RNF157: variants seen among roughly 807,000 people sequenced by gnomAD.
RNF157 encodes ring finger protein 157.
A neutral mutation model predicts 88.3 loss-of-function variants in RNF157; 55 were observed. The ratio of observed to expected loss-of-function variants is 0.62; its 90% CI spans 0.50 to 0.78. The LOEUF (loss-of-function observed/expected upper bound fraction) is 0.78, where lower values mean the gene tolerates loss of function less well. Ranked by LOEUF, RNF157 falls within the 30% of genes least tolerant of loss-of-function variation. RNF157 has a pLI of 0.00. For missense variants in RNF157, 788 were observed against 860.8 expected (o/e 0.92, Z 1.06); for synonymous variants, 334 against 341.2 (o/e 0.98, Z 0.23).
At chr17:76,154,470 G>A (rs1450732972) in intron 16 of RNF157, 142 bp from the exon 17 acceptor site, 2 of 683,310 alleles carry the variant, frequency 2.9e-6, no homozygotes, top group Non-Finnish European at 5.3e-6. Context: ...TGTTTAATAT[G>A]CCTCAGAGGC....
At chr17:76,216,121 T>G (rs1426107869) in intron 1 of RNF157, among the ~76,000 whole-genome samples, 1 of 152,182 alleles carries the variant, frequency 6.6e-6, no homozygotes, top group East Asian at 1.9e-4. Context: ...GTTACACAGA[T>G]GGATGGCTTG....
chr17:76,182,566 T>TA (rs1339768323), intron 2 of RNF157, among the ~76,000 whole-genome samples: 2 of 151,092 alleles, frequency 1.3e-5, no homozygotes, highest in East Asian at 3.9e-4. Context: ...ATTTTTGCTG[T>TA]AAAAAAATAT....
chr17:76,207,400 G>C (rs1220581634), intron 2 of RNF157, among the ~76,000 whole-genome samples: 10 of 152,156 alleles, frequency 6.6e-5, no homozygotes, highest in Admixed American at 6.5e-4. Context: ...TCCAGCCTGG[G>C]TGACAGGGCA....
intron 2 of RNF157, among the ~76,000 whole-genome samples, chr17:76,186,194 TA>T (rs998937205): frequency 6.6e-6 from 1 of 151,226 alleles, no homozygotes; most frequent in African/African-American, 2.4e-5. Flanking sequence ...CATGTCCCAT[TA>T]AAAAACATCG....
chr17:76,212,949 C>T (rs531205162), intron 1 of RNF157, among the ~76,000 whole-genome samples: 1 of 152,300 alleles, frequency 6.6e-6, no homozygotes, highest in South Asian at 2.1e-4. Flanking sequence ...TGATTTGGGA[C>T]AATGGCACAA....
intron 18 of RNF157, among the ~76,000 whole-genome samples, chr17:76,148,588 G>A (rs2068623991): frequency 7.5e-6 from 1 of 133,352 alleles, no homozygotes; most frequent in Admixed American, 7.4e-5. Flanking sequence ...TTTTTAAGAT[G>A]GAGTCTCACT....
intron 1 of RNF157, among the ~76,000 whole-genome samples, chr17:76,233,463 T>A (rs750387858): frequency 6.6e-6 from 1 of 152,206 alleles, no homozygotes; most frequent in Admixed American, 6.6e-5. Context: ...CTTCGCCCAA[T>A]CCAAATCAAA....
At position 76,189,461 on chromosome 17, in the gene RNF157, C is replaced by T. The variant is rs549771010; in HGVS notation, c.208-15671G>A. Reference sequence around the variant, plus strand: ...ACTTTAGACAAGCTGCTTTGCCCTACTAAGCCTCCATTTCCTTATCAGTGA... The same window carrying T: ...ACTTTAGACAAGCTGCTTTGCCCTATTAAGCCTCCATTTCCTTATCAGTGA... On this transcript the variant is annotated intron_variant, in intron 2 of 18. Transcript: ENST00000269391. Among the ~76,000 whole-genome samples, 21 of 152,330 alleles carry T rather than the reference C, an allele frequency of 1.4e-4. No individual in the cohort carries two copies. The South Asian group carries it at 3.3e-3, about 24-fold the overall frequency.
intron 1 of RNF157, chr17:76,225,712 C>G (rs1272012299): frequency 2.1e-6 from 3 of 1,435,112 alleles, no homozygotes; most frequent in Non-Finnish European, 2.8e-6. Context: ...AGCAGACACT[C>G]TATGTACAAG....
intron 9 of RNF157, 161 bp from the exon 10 acceptor site, chr17:76,162,163 T>C: frequency 1.5e-6 from 1 of 684,196 alleles, no homozygotes; most frequent in East Asian, 2.7e-5. Flanking sequence ...TCCACACACT[T>C]AGCTTCACTT....
In RNF157 at chr17:76,167,800, A is replaced by C; in HGVS notation, c.297-3T>G. 1 of 1,612,158 alleles carries C rather than the reference A, an allele frequency of 6.2e-7. No homozygotes were observed. The highest frequency in any genetic ancestry group is 8.5e-7 in the Non-Finnish European group (1 of 1,179,320). On this transcript the variant is annotated splice_region_variant and splice_polypyrimidine_tract_variant and intron_variant, in intron 3 of 18. Coordinates refer to ENST00000269391, the MANE Select transcript of RNF157 (RefSeq NM_052916.3). ...GGCTCTTCACTTCCTCAGCACATCT[A>C]GAAAACCAGAGACTCAGCATTTGCA... is the stretch of plus-strand genomic sequence containing the variant.
chr17:76,170,705 TCA>T (rs1313711190), intron 3 of RNF157, among the ~76,000 whole-genome samples: 1 of 152,130 alleles, frequency 6.6e-6, no homozygotes, highest in African/African-American at 2.4e-5. Flanking sequence ...GGGGATAATA[TCA>T]CAGTATAAAT....
At chr17:76,152,294 C>CAGGG (rs1354395066) in intron 18 of RNF157, 61 bp downstream of exon 18, 1 of 1,073,988 alleles carries the variant, frequency 9.3e-7, no homozygotes, top group African/African-American at 1.5e-5. Context: ...AGGGTGAGAG[C>CAGGG]AGGGGTAAGA....
intron 2 of RNF157, among the ~76,000 whole-genome samples, chr17:76,199,894 A>C (rs2069543925): frequency 6.6e-6 from 1 of 152,320 alleles, no homozygotes; most frequent in Admixed American, 6.5e-5. Flanking sequence ...CATAAAAACA[A>C]GTTAAATTTC....
intron 2 of RNF157, among the ~76,000 whole-genome samples, chr17:76,196,062 C>T (rs2069472670): frequency 6.6e-6 from 1 of 152,172 alleles, no homozygotes; most frequent in Non-Finnish European, 1.5e-5. Context: ...GATTACAAAC[C>T]TGCTCTGAGC....
intron 18 of RNF157, among the ~76,000 whole-genome samples, chr17:76,147,988 C>T (rs1161784585): frequency 2.0e-5 from 3 of 152,190 alleles, no homozygotes; most frequent in African/African-American, 7.2e-5. Context: ...TACAAAGCCA[C>T]TTATTAAATA....
intron 13 of RNF157, chr17:76,156,637 G>T: frequency 1.9e-6 from 1 of 528,472 alleles, no homozygotes. Context: ...GACACCCCAG[G>T]TTTCCCCAGG....
intron 2 of RNF157, among the ~76,000 whole-genome samples, chr17:76,185,471 C>CTCTCTTT (rs1214764584): frequency 2.1e-5 from 3 of 144,456 alleles, no homozygotes; most frequent in Middle Eastern, 3.5e-3. Context: ...GAGATTAGTC[C>CTCTCTTT]TTTCTTTTTT....
intron 4 of RNF157, 94 bp downstream of exon 4, chr17:76,167,557 C>T: frequency 6.4e-7 from 1 of 1,556,952 alleles, no homozygotes; most frequent in Non-Finnish European, 8.7e-7. Context: ...CTCGCCTGGT[C>T]TCCTGATCTT....
Sources: gnomAD v4.1 joint callset for allele counts (sites outside exome capture counted in the v4.1 genomes callset) on GRCh38, gnomAD v4.1.1 for gene constraint, MANE v1.5 for transcripts, NCBI Gene and HGNC (gene_info 2026-07-23, HGNC 2026-07-21) for gene names.